KCNIP1: variants seen among roughly 807,000 people sequenced by gnomAD.
The protein encoded by KCNIP1 is A-type potassium channel modulatory protein KCNIP1.
KCNIP1 carries 18 observed loss-of-function variants against 33.0 expected under a neutral mutation model. That is an observed-to-expected ratio of 0.55 (90% CI 0.38 to 0.81). The LOEUF (loss-of-function observed/expected upper bound fraction) is 0.81. KCNIP1 is among the 30% of genes least tolerant of loss of function. The pLI is 0.00. For synonymous variants in KCNIP1, 93 were observed against 98.3 expected (o/e 0.95, Z 0.32); for missense variants, 238 against 271.6 (o/e 0.88, Z 0.87).
At chr5:170,403,819 G>A (rs546739451) in intron 1 of KCNIP1, among the ~76,000 whole-genome samples, 2 of 152,182 alleles carry the variant, frequency 1.3e-5, no homozygotes, top group East Asian at 1.9e-4. Context: ...CTACTACGCC[G>A]GCTTTGGTTG....
rs533437697 is a variant in KCNIP1, at chr5:170,455,081, A to G, written c.88+101117A>G. Among the ~76,000 whole-genome samples, 6 of 152,358 alleles carry G rather than the reference A, an allele frequency of 3.9e-5. No homozygotes were observed. The South Asian group carries it at 1.2e-3, about 32-fold the overall frequency. On this transcript the variant is annotated intron_variant, in intron 1 of 7. Transcript: ENST00000377360. ...CAAAATACATAAAACAAAAACTGACAAAGTTGAAGGGATAAATAAATAGGC... is the reference window on the plus strand; with the variant it reads ...CAAAATACATAAAACAAAAACTGACGAAGTTGAAGGGATAAATAAATAGGC...
intron 1 of KCNIP1, among the ~76,000 whole-genome samples, chr5:170,716,944 C>A (rs530947024): frequency 1.3e-5 from 2 of 152,272 alleles, no homozygotes; most frequent in East Asian, 1.9e-4. Context: ...TTCCCATTTT[C>A]TTTATTTGCA....
At chr5:170,608,662 C>G (rs893410196) in intron 1 of KCNIP1, among the ~76,000 whole-genome samples, 1 of 151,850 alleles carries the variant, frequency 6.6e-6, no homozygotes, top group Admixed American at 6.6e-5. Context: ...ATCCCAGCGA[C>G]TCGGGAGGCT....
intron 1 of KCNIP1, among the ~76,000 whole-genome samples, chr5:170,616,040 A>G (rs772827762): frequency 6.6e-6 from 1 of 152,188 alleles, no homozygotes; most frequent in Non-Finnish European, 1.5e-5. Flanking sequence ...GAGAAATGTC[A>G]TGTCTACTTG....
intron 1 of KCNIP1, among the ~76,000 whole-genome samples, chr5:170,526,236 G>A (rs1376452037): frequency 1.3e-5 from 2 of 152,210 alleles, no homozygotes; most frequent in Admixed American, 6.5e-5. Context: ...TGTGAAGTGA[G>A]AAAGCAGTCA....
rs1764361256 is a variant in KCNIP1 at position 170,735,629 on chromosome 5, C to T, written c.604-130C>T. 3 of 742,396 alleles carry T rather than the reference C, an allele frequency of 4.0e-6. No homozygotes were observed. The Admixed American group carries it at 6.4e-5, about 16-fold the overall frequency. The allele number at this position is 742,396 out of a possible 1,614,324, so 46.0% of individuals were successfully genotyped here. ...ACTTTCTAGGTCCCCACCCTTACTT[C>T]TTGTTTTTCATACCCTTGTAGAGTT... On this transcript the variant is annotated intron_variant, in intron 7 of 7. Transcript: ENST00000328939.
chr5:170,484,723 A>G (rs560770208), intron 1 of KCNIP1, among the ~76,000 whole-genome samples: 4 of 139,274 alleles, frequency 2.9e-5, no homozygotes, highest in Admixed American at 7.5e-5. Context: ...TTCCTTTCCC[A>G]AATCTCTCTT....
In KCNIP1 at chr5:170,383,837, C is replaced by T. The variant is rs551181131; in HGVS notation, c.88+29873C>T. The T allele has an allele frequency of 6.2e-4, 996 of 1,613,974 alleles. 21 individuals carry two copies. In the South Asian group the frequency reaches 0.01, roughly 17 times the overall value. Reference sequence around the variant, plus strand: ...GTCTCAATCAGGTGGCACTTGGATTCCTGGGTCCACACGCTGAGGAGACCA... The same window carrying T: ...GTCTCAATCAGGTGGCACTTGGATTTCTGGGTCCACACGCTGAGGAGACCA... On this transcript the variant is annotated intron_variant, in intron 1 of 7. Transcript: ENST00000377360.
intron 1 of KCNIP1, among the ~76,000 whole-genome samples, chr5:170,587,977 G>A (rs1285981033): frequency 1.3e-5 from 2 of 152,224 alleles, no homozygotes; most frequent in Non-Finnish European, 2.9e-5. Context: ...GAGAGAGCAT[G>A]CACTGAGGCA....
intron 1 of KCNIP1, among the ~76,000 whole-genome samples, chr5:170,685,259 G>A (rs1762502453): frequency 6.6e-6 from 1 of 151,348 alleles, no homozygotes; most frequent in African/African-American, 2.4e-5. Context: ...ATCTCAAAGG[G>A]ACATCCAGAG....
intron 1 of KCNIP1, among the ~76,000 whole-genome samples, chr5:170,522,063 G>A (rs1472183804): frequency 2.0e-5 from 3 of 152,158 alleles, no homozygotes; most frequent in Non-Finnish European, 2.9e-5. Flanking sequence ...GCCTGCCACC[G>A]GCAGCAATTC....
intron 1 of KCNIP1, among the ~76,000 whole-genome samples, chr5:170,436,956 A>G (rs188514117): frequency 6.6e-6 from 1 of 152,288 alleles, no homozygotes; most frequent in Admixed American, 6.5e-5. Flanking sequence ...TCACAAGAGA[A>G]AAGCAACCAA....
chr5:170,475,558 A>C (rs1302307739), intron 1 of KCNIP1, among the ~76,000 whole-genome samples: 1 of 152,222 alleles, frequency 6.6e-6, no homozygotes, highest in Non-Finnish European at 1.5e-5. Context: ...CTGGTAAGAC[A>C]GGGAAATAGA....
intron 1 of KCNIP1, among the ~76,000 whole-genome samples, chr5:170,701,491 T>C (rs1763099102): frequency 6.6e-6 from 1 of 152,212 alleles, no homozygotes; most frequent in African/African-American, 2.4e-5. Flanking sequence ...CTCAGAGCCC[T>C]GTGACCTGCT....
intron 1 of KCNIP1, among the ~76,000 whole-genome samples, chr5:170,561,551 G>A (rs1158998621): frequency 6.6e-6 from 1 of 152,136 alleles, no homozygotes; most frequent in Non-Finnish European, 1.5e-5. Flanking sequence ...GTACCTACAG[G>A]GCAGAATCTA....
At chr5:170,383,180 T>G in intron 1 of KCNIP1, 1 of 203,068 alleles carries the variant, frequency 4.9e-6, no homozygotes, top group South Asian at 1.2e-4. Context: ...ATCTAAATGT[T>G]TGTTTATGGA....
At chr5:170,565,515 A>C (rs1314878876) in intron 1 of KCNIP1, among the ~76,000 whole-genome samples, 1 of 152,192 alleles carries the variant, frequency 6.6e-6, no homozygotes, top group Admixed American at 6.5e-5. Flanking sequence ...TTCTTCTCTA[A>C]ACACTCACAG....
intron 1 of KCNIP1, among the ~76,000 whole-genome samples, chr5:170,600,030 C>T (rs1324318477): frequency 2.0e-5 from 3 of 152,116 alleles, no homozygotes; most frequent in Non-Finnish European, 4.4e-5. Context: ...TTACAGGCAC[C>T]AGCTCATTCA....
chr5:170,502,419 A>C (rs1757431867), upstream of KCNIP1, among the ~76,000 whole-genome samples: 1 of 152,194 alleles, frequency 6.6e-6, no homozygotes, highest in African/African-American at 2.4e-5. Context: ...TAGGGGAAGC[A>C]GCTCTCAAGG....
Sources: gnomAD v4.1 joint callset for allele counts (sites outside exome capture counted in the v4.1 genomes callset) on GRCh38, gnomAD v4.1.1 for gene constraint, MANE v1.5 for transcripts, NCBI Gene and HGNC (gene_info 2026-07-23, HGNC 2026-07-21) for gene names.